Variants in STMN3 observed in about 807,000 individuals in gnomAD.
STMN3 encodes stathmin 3, also known as stathmin-3.
STMN3 carries 24 observed loss-of-function variants against 23.2 expected under a neutral mutation model. That is an observed-to-expected ratio of 1.03 (90% CI 0.75 to 1.45). The LOEUF (loss-of-function observed/expected upper bound fraction) is 1.45, where lower values mean the gene tolerates loss of function less well. Among genes scored for constraint, STMN3 ranks in the 40% most tolerant of loss-of-function variants. The probability of loss-of-function intolerance (pLI) is 0.00; values close to 1 mark genes in which losing one functional copy is unlikely to be tolerated. For missense variants in STMN3, 235 were observed against 237.6 expected, an observed-to-expected ratio of 0.99 and a Z score of 0.07; for synonymous variants, 117 against 103.4, an observed-to-expected ratio of 1.13 and a Z score of -0.80.
At chr20:63,646,111 CTT>C (rs2089806900) in intron 1 of STMN3, among the ~76,000 whole-genome samples, 1 of 152,026 alleles carries the variant, frequency 6.6e-6, no homozygotes, top group Non-Finnish European at 1.5e-5. Flanking sequence ...TCTGTCCTGA[CTT>C]AAATTTCCTG....
At chr20:63,651,686 A>G (rs541637480) in intron 1 of STMN3, among the ~76,000 whole-genome samples, 1 of 152,356 alleles carries the variant, frequency 6.6e-6, no homozygotes, top group South Asian at 2.1e-4. Context: ...AGGCCTCAGA[A>G]CAAGCCCCAG....
intron 1 of STMN3, 68 bp from the exon 2 acceptor site, chr20:63,644,377 C>T: frequency 8.1e-7 from 1 of 1,228,096 alleles, no homozygotes; most frequent in South Asian, 1.3e-5. Flanking sequence ...CGTTTTCCCT[C>T]CCCATGGCTG....
In STMN3 at chr20:63,652,720, G is replaced by A; in HGVS notation, c.19+607C>T. 1.0e-6 allele frequency: 1 copy of A among 985,998 alleles called. No homozygotes were observed. Among genetic ancestry groups the A allele is most frequent in the Non-Finnish European group, 1.2e-6 (1 of 830,430 alleles). 61.1% of individuals were successfully genotyped at this position (985,998 alleles called of 1,614,324 possible). ...GGCAGTGGCTTTTCTGGCCAGAGCAGGTGGCGCGGGCGTCGCAAAGGGTGG... is the reference window on the plus strand; with the variant it reads ...GGCAGTGGCTTTTCTGGCCAGAGCAAGTGGCGCGGGCGTCGCAAAGGGTGG... On this transcript the variant is annotated intron_variant, in intron 1 of 4. Transcript: ENST00000370053. This position sits in a 1 kb window ranked among gnomAD's most constrained non-coding sequence, Gnocchi z 5.3.
chr20:63,642,367 T>C, intron 3 of STMN3, 68 bp from the exon 4 acceptor site: 1 of 1,205,544 alleles, frequency 8.3e-7, no homozygotes, highest in African/African-American at 1.6e-5. Context: ...TCCTCCCTGC[T>C]CTCCGCCTCC....
Position 63,640,802 on chromosome 20 carries a change from C to T in STMN3, c.*536G>A. 4.7e-6 allele frequency: 1 copy of T among 212,406 alleles called. No individual in the cohort carries two copies. Among genetic ancestry groups the T allele is most frequent in the Non-Finnish European group, 9.7e-6 (1 of 102,838 alleles). The allele number at this position is 212,406 out of a possible 1,614,324, so 13.2% of individuals were successfully genotyped here. ...GCAACCACATTAAGGAAAGCTGCAG[C>T]CCCCACCCACCCGCCTGCCAGTTCA... is the stretch of plus-strand genomic sequence containing the variant. On this transcript the variant is annotated 3_prime_UTR_variant, in exon 5 of 5. Coordinates refer to ENST00000370053, the MANE Select transcript of STMN3 (RefSeq NM_015894.4).
At chr20:63,643,284 CTTGT>C (rs1343591822) in intron 3 of STMN3, among the ~76,000 whole-genome samples, 1 of 151,962 alleles carries the variant, frequency 6.6e-6, no homozygotes, top group Non-Finnish European at 1.5e-5. Context: ...TTTTTTTGTT[CTTGT>C]TTGTTTTTTG....
chr20:63,642,263 G>C lies in STMN3; in HGVS notation c.328C>G (p.Arg110Gly). The change falls in exon 4 of 5, where the codon CGG becomes GGG. Residue 110 changes from arginine to glycine, a missense_variant. Coordinates refer to ENST00000370053, the MANE Select transcript of STMN3 (RefSeq NM_015894.4). Reference protein sequence around the residue: ...EAQVLKQLAERREHEREVLHK... With the variant: ...EAQVLKQLAEGREHEREVLHK... ...AGCACCTCGCGCTCGTGCTCGCGCC[G>C]CTCCGCCAGCTGCTTCAGCACCTGC... 6.5e-7 allele frequency: 1 copy of C among 1,543,174 alleles called. No homozygotes were observed. Among genetic ancestry groups the C allele is most frequent in the Non-Finnish European group, 8.7e-7 (1 of 1,146,292 alleles).
chr20:63,650,349 C>T (rs1177178686), intron 1 of STMN3, among the ~76,000 whole-genome samples: 1 of 152,218 alleles, frequency 6.6e-6, no homozygotes, highest in South Asian at 2.1e-4. Context: ...TTGGATGATT[C>T]ATGAGCAGGA....
chr20:63,651,361 C>CT (rs2089857503), intron 1 of STMN3, among the ~76,000 whole-genome samples: 1 of 152,204 alleles, frequency 6.6e-6, no homozygotes, highest in African/African-American at 2.4e-5. Context: ...CTGGGCCTGA[C>CT]TGCAGGCTCC....
At position 63,641,044 on chromosome 20, in the gene STMN3, T is replaced by C; in HGVS notation, c.*294A>G. ...GTGATCCCACGCCACCGCCCTGGGTTTACCACGGTCACCGCCACCTCTCTC... is the reference window on the plus strand; with the variant it reads ...GTGATCCCACGCCACCGCCCTGGGTCTACCACGGTCACCGCCACCTCTCTC... On this transcript the variant is annotated 3_prime_UTR_variant, in exon 5 of 5. Transcript: ENST00000370053. 2.0e-6 allele frequency: 1 copy of C among 505,472 alleles called. No homozygotes were observed. Among genetic ancestry groups the C allele is most frequent in the Non-Finnish European group, 3.6e-6 (1 of 275,978 alleles). 31.3% of individuals were successfully genotyped at this position (505,472 alleles called of 1,614,324 possible).
chr20:63,643,631 C>G, intron 3 of STMN3, 125 bp downstream of exon 3: 1 of 1,375,646 alleles, frequency 7.3e-7, no homozygotes, highest in South Asian at 1.8e-5. Context: ...GAGCCACAGC[C>G]CCTCCTGCTC....
intron 4 of STMN3, 76 bp downstream of exon 4, chr20:63,642,032 G>A (rs1416155139): frequency 2.1e-5 from 9 of 432,066 alleles, no homozygotes; most frequent in Admixed American, 1.3e-4. Flanking sequence ...CCCGGCCCCT[G>A]CCCGCTCCGA....
intron 1 of STMN3, 130 bp from the exon 2 acceptor site, chr20:63,644,439 T>C: frequency 1.5e-6 from 1 of 681,470 alleles, no homozygotes; most frequent in Non-Finnish European, 2.5e-6. Flanking sequence ...CTCTCTTGTG[T>C]GTCTCCACAC....
rs2089756561 is a variant in STMN3 at position 63,641,023 on chromosome 20, T to C, written c.*315A>G. The C allele has an allele frequency of 2.2e-6, 1 of 461,976 alleles. No individual in the cohort carries two copies. Among genetic ancestry groups the C allele is most frequent in the East Asian group, 4.2e-5 (1 of 24,094 alleles). The allele number at this position is 461,976 out of a possible 1,614,324, so 28.6% of individuals were successfully genotyped here. On this transcript the variant is annotated 3_prime_UTR_variant, in exon 5 of 5. Coordinates refer to ENST00000370053, the MANE Select transcript of STMN3 (RefSeq NM_015894.4). ...GACAGCCCAGCGTAAGGACCCGTGA[T>C]CCCACGCCACCGCCCTGGGTTTACC...
chr20:63,642,651 C>A (rs970666262), intron 3 of STMN3, among the ~76,000 whole-genome samples: 3 of 152,204 alleles, frequency 2.0e-5, no homozygotes, highest in Non-Finnish European at 4.4e-5. Context: ...AGCAAGAAAC[C>A]CTAAACTTGT....
chr20:63,649,266 G>C (rs2089839738), intron 1 of STMN3, among the ~76,000 whole-genome samples: 1 of 152,188 alleles, frequency 6.6e-6, no homozygotes, highest in South Asian at 2.1e-4. Flanking sequence ...CAGATTGGAG[G>C]GGGCAGGACA....
intron 1 of STMN3, 79 bp downstream of exon 1, chr20:63,653,248 G>A: frequency 1.3e-6 from 2 of 1,503,870 alleles, no homozygotes; most frequent in Non-Finnish European, 1.8e-6. Context: ...TCCGCTGCCG[G>A]CCGCTGCCCC....
chr20:63,644,037 G>A, intron 2 of STMN3, 106 bp from the exon 3 acceptor site: 1 of 1,480,854 alleles, frequency 6.8e-7, no homozygotes, highest in Non-Finnish European at 9.1e-7. Flanking sequence ...GGGCGAGAGG[G>A]GGTGGCTGCT....
chr20:63,649,595 A>G (rs541035610), intron 1 of STMN3, among the ~76,000 whole-genome samples: 4 of 152,024 alleles, frequency 2.6e-5, no homozygotes, highest in Non-Finnish European at 4.4e-5. Context: ...CAGTGGTACA[A>G]TCTCGGCTCA....
Sources: gnomAD v4.1 joint callset for allele counts (sites outside exome capture counted in the v4.1 genomes callset) on GRCh38, gnomAD v4.1.1 for gene constraint, Gnocchi (gnomAD v3.1) non-coding constraint, MANE v1.5 for transcripts, NCBI Gene and HGNC (gene_info 2026-07-23, HGNC 2026-07-21) for gene names.